SPMIP2: variants seen among roughly 807,000 people sequenced by gnomAD.
SPMIP2 encodes protein SPMIP2.
At chr4:158,943,541 C>T in the SPMIP2 span, among the ~76,000 whole-genome samples, 1 of 152,084 alleles carries the variant, frequency 6.6e-6, no homozygotes, top group Non-Finnish European at 1.5e-5. Context: ...ATGATTAAAA[C>T]AGTAAAATTT....
At chr4:159,046,573 T>C in the SPMIP2 span, among the ~76,000 whole-genome samples, 3 of 152,144 alleles carry the variant, frequency 2.0e-5, no homozygotes, top group Non-Finnish European at 4.4e-5. Context: ...TTTTTGTTTG[T>C]TTGTTTGTTT....
the SPMIP2 span, chr4:158,915,309 G>A: frequency 4.2e-4 from 681 of 1,613,354 alleles, no homozygotes; most frequent in Middle Eastern, 6.6e-4. Context: ...CCAGGCAAAA[G>A]AAGCGCGACT....
chr4:158,984,496 C>T, the SPMIP2 span, among the ~76,000 whole-genome samples: 2 of 151,520 alleles, frequency 1.3e-5, no homozygotes. Context: ...AACCGCTCAA[C>T]TACATGGAAA....
At chr4:158,978,045 T>C in the SPMIP2 span, among the ~76,000 whole-genome samples, 2 of 152,274 alleles carry the variant, frequency 1.3e-5, no homozygotes, top group African/African-American at 4.8e-5. Context: ...CACTTTCTCC[T>C]GTGGGCATTT....
the SPMIP2 span, among the ~76,000 whole-genome samples, chr4:158,964,150 C>CACAAAACAAAACAAAACAAA: frequency 7.1e-3 from 561 of 79,434 alleles, 14 homozygotes; most frequent in African/African-American, 0.017. Flanking sequence ...GTGAGACTAT[C>CACAAAACAAAACAAAACAAA]TCAAAACAAA....
chr4:158,983,810 T>C, the SPMIP2 span, among the ~76,000 whole-genome samples: 2 of 11,278 alleles, frequency 1.8e-4, no homozygotes, highest in Non-Finnish European at 3.4e-4. Context: ...ACTTTAAATG[T>C]AAATGGACTA....
chr4:158,937,666 C>G, the SPMIP2 span: 1 of 154,260 alleles, frequency 6.5e-6, no homozygotes, highest in Non-Finnish European at 1.5e-5. Context: ...TAGACATTGT[C>G]TTGGGCAGAG....
the SPMIP2 span, among the ~76,000 whole-genome samples, chr4:159,045,563 A>C: frequency 1.3e-5 from 2 of 152,356 alleles, no homozygotes; most frequent in Admixed American, 1.3e-4. Context: ...CAAAAGAAGT[A>C]AAAGGAATGT....
chr4:159,035,959 T>C, the SPMIP2 span, among the ~76,000 whole-genome samples: 14 of 152,374 alleles, frequency 9.2e-5, no homozygotes, highest in Non-Finnish European at 2.1e-4. Context: ...ATCTGACTTC[T>C]AGGAGTTTAT....
the SPMIP2 span, among the ~76,000 whole-genome samples, chr4:158,949,841 A>G: frequency 6.6e-6 from 1 of 152,258 alleles, no homozygotes; most frequent in African/African-American, 2.4e-5. Context: ...CGGATCAGTT[A>G]TATATGATCT....
At chr4:159,066,134 T>G in the SPMIP2 span, among the ~76,000 whole-genome samples, 1 of 152,204 alleles carries the variant, frequency 6.6e-6, no homozygotes, top group Non-Finnish European at 1.5e-5. Flanking sequence ...TCCTCCAAGA[T>G]TCCATTTACC....
the SPMIP2 span, among the ~76,000 whole-genome samples, chr4:159,027,633 A>C: frequency 6.6e-6 from 1 of 152,216 alleles, no homozygotes; most frequent in Non-Finnish European, 1.5e-5. Context: ...CTGCATTTGC[A>C]GTAGGACTAT....
the SPMIP2 span, among the ~76,000 whole-genome samples, chr4:158,913,156 A>G: frequency 6.6e-6 from 1 of 152,270 alleles, no homozygotes; most frequent in African/African-American, 2.4e-5. Context: ...ACATGGTCCT[A>G]GACTGAATCC....
At chr4:158,898,727 A>C in the SPMIP2 span, among the ~76,000 whole-genome samples, 1 of 152,092 alleles carries the variant, frequency 6.6e-6, no homozygotes, top group Non-Finnish European at 1.5e-5. Flanking sequence ...GCTTAAGGAG[A>C]TTTTGGGCTG....
the SPMIP2 span, among the ~76,000 whole-genome samples, chr4:159,075,783 A>C: frequency 7.0e-6 from 1 of 142,828 alleles, no homozygotes; most frequent in Middle Eastern, 3.2e-3. Flanking sequence ...ACATAATTTG[A>C]CTCATCTTTT....
At chr4:158,981,894 A>G in the SPMIP2 span, among the ~76,000 whole-genome samples, 1,092 of 151,040 alleles carry the variant, frequency 7.2e-3, 12 homozygotes, top group Non-Finnish European at 0.012. Context: ...TTAAATGTAA[A>G]TGGGTTAAAT....
the SPMIP2 span, among the ~76,000 whole-genome samples, chr4:158,908,675 A>AT: frequency 1.3e-5 from 2 of 152,150 alleles, no homozygotes. Context: ...AAGACTCTGT[A>AT]TATAGATGCC....
chr4:158,960,171 C>T, the SPMIP2 span: 1 of 641,384 alleles, frequency 1.6e-6, no homozygotes, highest in Admixed American at 3.5e-5. Flanking sequence ...TATCAAAAAC[C>T]TACATGAAAT....
At chr4:159,041,837 T>C in the SPMIP2 span, among the ~76,000 whole-genome samples, 1 of 152,230 alleles carries the variant, frequency 6.6e-6, no homozygotes, top group African/African-American at 2.4e-5. Context: ...ACTTTTCTTG[T>C]TATCTGCACA....
Sources: gnomAD v4.1 joint callset for allele counts (sites outside exome capture counted in the v4.1 genomes callset) on GRCh38, gnomAD v4.1.1 for gene constraint, MANE v1.5 for transcripts, NCBI Gene and HGNC (gene_info 2026-07-23, HGNC 2026-07-21) for gene names.